KCNH5: variants seen among roughly 807,000 people sequenced by gnomAD.
KCNH5 encodes potassium voltage-gated channel subfamily H member 5, also known as voltage-gated delayed rectifier potassium channel KCNH5.
A neutral mutation model predicts 96.1 loss-of-function variants in KCNH5; 46 were observed. That is an observed-to-expected ratio of 0.48 (90% confidence interval 0.38 to 0.61). KCNH5 has a LOEUF of 0.61. Ranked by LOEUF, KCNH5 falls within the 20% of genes least tolerant of loss-of-function variation. The probability of loss-of-function intolerance (pLI) is 0.00; values close to 1 mark genes in which losing one functional copy is unlikely to be tolerated. For synonymous variants in KCNH5, 439 were observed against 449.8 expected (o/e 0.98, Z 0.30); for missense variants, 907 against 1,225.8 (o/e 0.74, Z 3.88).
chr14:62,763,432 G>A (rs555952295), intron 10 of KCNH5, among the ~76,000 whole-genome samples: 1 of 152,130 alleles, frequency 6.6e-6, no homozygotes, highest in African/African-American at 2.4e-5. Context: ...CACATCAGAA[G>A]GTAGAAAGAT....
Position 63,006,441 on chromosome 14 carries a change from T to C in KCNH5, c.229A>G (p.Thr77Ala), listed in dbSNP as rs1365308454. The change falls in exon 3 of 11, where the codon ACC becomes GCC. Residue 77 changes from threonine to alanine, a missense_variant. By Grantham distance (58) the Thr-to-Ala change is moderately conservative. Around this residue, in one of 6 missense-constraint regions of KCNH5, gnomAD observed 370 missense variants for 561.3 expected, o/e 0.66. Transcript: ENST00000322893. The stretch of plus-strand genomic sequence containing the variant: ...AAAGTTTGCCTGACTTTCTCAATGG[T>C]CTTCTTGTCAGTCAATTCCCCATAC... ...FMYGELTDKK[T>A]IEKVRQTFDN... 2 of 1,612,332 alleles carry C rather than the reference T, an allele frequency of 1.2e-6. No homozygotes were observed. Among genetic ancestry groups the C allele is most frequent in the African/African-American group, 1.3e-5 (1 of 75,008 alleles).
At chr14:62,859,657 C>T (rs1198476401) in intron 7 of KCNH5, among the ~76,000 whole-genome samples, 1 of 152,232 alleles carries the variant, frequency 6.6e-6, no homozygotes, top group African/African-American at 2.4e-5. Flanking sequence ...CATAATCGCG[C>T]ATCTGGCCAT....
At chr14:62,713,789 T>G (rs1595590341) in intron 10 of KCNH5, among the ~76,000 whole-genome samples, 1 of 152,290 alleles carries the variant, frequency 6.6e-6, no homozygotes, top group Admixed American at 6.5e-5. Context: ...TATAAGTAAC[T>G]CACTGTATTT....
chr14:62,951,886 C>T (rs149245717), intron 6 of KCNH5, among the ~76,000 whole-genome samples: 451 of 143,660 alleles, frequency 3.1e-3, no homozygotes, highest in Non-Finnish European at 5.1e-3. Context: ...TTGCTTGAAC[C>T]TGGGAGACGG....
intron 5 of KCNH5, among the ~76,000 whole-genome samples, chr14:62,986,408 C>T (rs1890709167): frequency 6.6e-6 from 1 of 152,180 alleles, no homozygotes. Context: ...CTACCTTCTC[C>T]TTCCCCATAT....
chr14:62,980,876 T>A lies in KCNH5; in HGVS notation c.938A>T (p.Asp313Val). 1 of 1,613,138 alleles carries A rather than the reference T, an allele frequency of 6.2e-7. No homozygotes were observed. Among genetic ancestry groups the A allele is most frequent in the Non-Finnish European group, 8.5e-7 (1 of 1,179,830 alleles). ...YDIINAFENV[D>V]EGISSLFSSL... is the part of the protein sequence containing the mutation. ...AAACCAAAACGAAAAACTTACCTCA[T>A]CCACATTTTCAAAGGCATTGATGAT... Residue 313 changes from aspartate to valine, a missense_variant, in exon 6 of 11, where the codon GAT becomes GTT. Asp to Val is a radical substitution (Grantham distance 152, BLOSUM62 -3). Coordinates refer to ENST00000322893, the MANE Select transcript of KCNH5 (RefSeq NM_139318.5).
chr14:62,875,995 C>T (rs111354189), intron 7 of KCNH5, among the ~76,000 whole-genome samples: 159 of 152,262 alleles, frequency 1.0e-3, no homozygotes, highest in African/African-American at 3.8e-3. Context: ...AGTGAAACCC[C>T]ATCTCTACTG....
intron 8 of KCNH5, among the ~76,000 whole-genome samples, chr14:62,848,085 C>T (rs554622586): frequency 6.6e-6 from 1 of 152,290 alleles, no homozygotes; most frequent in Admixed American, 6.5e-5. Flanking sequence ...TTTTCAAATA[C>T]GTAAAAGGCC....
chr14:62,908,549 C>A (rs1198753759), intron 7 of KCNH5, among the ~76,000 whole-genome samples: 4 of 152,106 alleles, frequency 2.6e-5, no homozygotes, highest in Admixed American at 6.5e-5. Flanking sequence ...TATTAGGAAT[C>A]CTTCAAAGAT....
At chr14:62,966,903 T>C (rs1401081518) in intron 6 of KCNH5, among the ~76,000 whole-genome samples, 1 of 152,086 alleles carries the variant, frequency 6.6e-6, no homozygotes, top group African/African-American at 2.4e-5. Context: ...TAATCCATTC[T>C]GTCCTTTTCT....
At chr14:62,899,785 G>T (rs1385557227) in intron 7 of KCNH5, among the ~76,000 whole-genome samples, 3 of 149,644 alleles carry the variant, frequency 2.0e-5, no homozygotes, top group Non-Finnish European at 4.4e-5. Flanking sequence ...AGTGAGCCGA[G>T]ATCCCGCCAC....
chr14:63,042,865 A>G (rs1891852131), intron 1 of KCNH5, among the ~76,000 whole-genome samples: 1 of 152,184 alleles, frequency 6.6e-6, no homozygotes, highest in South Asian at 2.1e-4. Flanking sequence ...ACACACCTGC[A>G]TATATACTCA....
chr14:62,992,780 T>C (rs1160233185), intron 4 of KCNH5, among the ~76,000 whole-genome samples: 1 of 152,024 alleles, frequency 6.6e-6, no homozygotes, highest in Non-Finnish European at 1.5e-5. Flanking sequence ...GTTCACTCTG[T>C]TGGTTCTTTC....
chr14:62,906,283 G>C (rs2140096903), intron 7 of KCNH5, among the ~76,000 whole-genome samples: 1 of 152,260 alleles, frequency 6.6e-6, no homozygotes, highest in East Asian at 1.9e-4. Context: ...TAGTATGTCT[G>C]TGTGTGTAAC....
In KCNH5 at chr14:62,704,346, C is replaced by T. The variant is rs1405914483; in HGVS notation, c.*3162G>A. The T allele has an allele frequency of 6.6e-6, 1 of 151,894 alleles. No homozygotes were observed. The highest frequency in any genetic ancestry group is 2.4e-5 in the African/African-American group (1 of 41,428). The allele number at this position is 151,894 out of a possible 1,614,324, so 9.4% of individuals were successfully genotyped here. On this transcript the variant is annotated 3_prime_UTR_variant, in exon 11 of 11. Transcript: ENST00000322893. Reference sequence around the variant, plus strand: ...TATTCAACCACGTCATTCAATTCAACCACTGTGCCTGAACCATTTTCAGTA... The same window carrying T: ...TATTCAACCACGTCATTCAATTCAATCACTGTGCCTGAACCATTTTCAGTA...
At chr14:62,895,480 G>A (rs571582241) in intron 7 of KCNH5, among the ~76,000 whole-genome samples, 10 of 151,890 alleles carry the variant, frequency 6.6e-5, no homozygotes, top group Middle Eastern at 3.2e-3. Flanking sequence ...ACAGGTATGC[G>A]CCACCACACC....
At chr14:62,881,363 T>C (rs12147976) in intron 7 of KCNH5, among the ~76,000 whole-genome samples, 29,029 of 152,104 alleles carry the variant, frequency 0.19, 3,209 homozygotes, top group East Asian at 0.28. Context: ...ACTTTTATCC[T>C]ATTCAAGCCA....
chr14:62,863,302 C>A (rs1479207575), intron 7 of KCNH5, among the ~76,000 whole-genome samples: 4 of 152,028 alleles, frequency 2.6e-5, no homozygotes, highest in African/African-American at 9.7e-5. Flanking sequence ...AGCAAGTGCA[C>A]AAGAACCACC....
At chr14:62,856,219 T>G (rs1000982727) in intron 7 of KCNH5, among the ~76,000 whole-genome samples, 3 of 152,208 alleles carry the variant, frequency 2.0e-5, no homozygotes, top group African/African-American at 7.2e-5. Context: ...TATTCAGGTC[T>G]CTAAAAAAAT....
Sources: allele counts gnomAD v4.1 joint callset (sites outside exome capture counted in the v4.1 genomes callset), GRCh38; gene constraint gnomAD v4.1.1; regional missense constraint gnomAD v4.1.1; transcripts MANE v1.5; gene names NCBI Gene and HGNC (gene_info 2026-07-23, HGNC 2026-07-21).